ATP2C2: variants seen among roughly 807,000 people sequenced by gnomAD.
ATP2C2 encodes calcium-transporting ATPase type 2C member 2.
A neutral mutation model predicts 110.8 loss-of-function variants in ATP2C2; 171 were observed. That is an observed-to-expected ratio of 1.54 (90% CI 1.36 to 1.75). The LOEUF (loss-of-function observed/expected upper bound fraction) is 1.75, where lower values mean the gene tolerates loss of function less well. Ranked by LOEUF, ATP2C2 falls within the 40% of genes most tolerant of loss-of-function variation. ATP2C2 has a pLI of 0.00. For missense variants in ATP2C2, 1,963 were observed against 1,235.0 expected, an observed-to-expected ratio of 1.59 and a Z score of -8.84; for synonymous variants, 804 against 508.4, an observed-to-expected ratio of 1.58 and a Z score of -7.82.
In ATP2C2 at chr16:84,379,142, C is replaced by A. The variant is rs185732927; in HGVS notation, c.99+10428C>A. 5.3e-3 allele frequency among the ~76,000 whole-genome samples: 795 copies of A among 148,982 alleles called. 10 individuals carry two copies. Among genetic ancestry groups the A allele is most frequent in the African/African-American group, 0.019 (752 of 40,492 alleles). ...CTCTTCCCCTCCTTTCCCCTCTCTTCCCCTCCTTTCCCCTCCCCTCTCCTA... is the reference window on the plus strand; with the variant it reads ...CTCTTCCCCTCCTTTCCCCTCTCTTACCCTCCTTTCCCCTCCCCTCTCCTA... On this transcript the variant is annotated intron_variant, in intron 1 of 26. Transcript: ENST00000262429.
intron 3 of ATP2C2, among the ~76,000 whole-genome samples, chr16:84,406,422 C>G (rs1437765645): frequency 6.6e-6 from 1 of 152,176 alleles, no homozygotes; most frequent in African/African-American, 2.4e-5. Flanking sequence ...CCCTGACATC[C>G]CCTTCTTCAT....
rs929215807 is a variant in ATP2C2, at chr16:84,463,816, A to T, written c.*84A>T. The T allele has an allele frequency of 8.0e-6, 10 of 1,244,634 alleles. No homozygotes were observed. The Admixed American group carries it at 1.8e-4, about 23-fold the overall frequency. The allele number at this position is 1,244,634 out of a possible 1,614,324, so 77.1% of individuals were successfully genotyped here. On this transcript the variant is annotated 3_prime_UTR_variant, in exon 27 of 27. Coordinates refer to ENST00000262429, the MANE Select transcript of ATP2C2 (RefSeq NM_014861.4). ...CTGCCGTGTCTCCTCGTCAGGGGAGACTTTTAGGAGGCCGCAGCCTTCCAT... is the reference window on the plus strand; with the variant it reads ...CTGCCGTGTCTCCTCGTCAGGGGAGTCTTTTAGGAGGCCGCAGCCTTCCAT...
At chr16:84,439,085 C>G (rs1239964222) in intron 11 of ATP2C2, 81 bp from the exon 12 acceptor site, 5 of 1,574,422 alleles carry the variant, frequency 3.2e-6, no homozygotes, top group Non-Finnish European at 8.6e-7. Flanking sequence ...GCTTCACCAG[C>G]CAAAAGCATT....
intron 2 of ATP2C2, among the ~76,000 whole-genome samples, chr16:84,401,081 C>A (rs1318792487): frequency 6.6e-6 from 1 of 152,066 alleles, no homozygotes; most frequent in South Asian, 2.1e-4. Flanking sequence ...GATGTGATTC[C>A]ATTTATCCAT....
intron 6 of ATP2C2, among the ~76,000 whole-genome samples, chr16:84,412,720 C>T (rs1906484649): frequency 6.6e-6 from 1 of 152,100 alleles, no homozygotes; most frequent in Admixed American, 6.6e-5. Context: ...GTCTTCTCCC[C>T]ACCCCTGCTA....
chr16:84,445,323 C>T (rs942107339), intron 15 of ATP2C2, among the ~76,000 whole-genome samples: 1 of 152,126 alleles, frequency 6.6e-6, no homozygotes, highest in South Asian at 2.1e-4. Flanking sequence ...ATTCTCCTGC[C>T]TCAGCCTCCC....
intron 1 of ATP2C2, among the ~76,000 whole-genome samples, chr16:84,396,266 C>A (rs1276905387): frequency 6.6e-6 from 1 of 151,854 alleles, no homozygotes; most frequent in Non-Finnish European, 1.5e-5. Context: ...GTGTTTCGAG[C>A]CAGGTGCAGT....
chr16:84,368,937 G>A (rs1165082533), intron 1 of ATP2C2, among the ~76,000 whole-genome samples: 1 of 152,252 alleles, frequency 6.6e-6, no homozygotes, highest in East Asian at 1.9e-4. Flanking sequence ...TTGTGGTTGA[G>A]AAACTGAGGC....
chr16:84,378,860 C>T (rs777954245), intron 1 of ATP2C2, among the ~76,000 whole-genome samples: 2 of 152,190 alleles, frequency 1.3e-5, no homozygotes, highest in Non-Finnish European at 2.9e-5. Flanking sequence ...GTGGGCTCAC[C>T]GTCGCGAGGT....
chr16:84,440,024 C>T (rs1414833034), intron 13 of ATP2C2, among the ~76,000 whole-genome samples: 4 of 152,204 alleles, frequency 2.6e-5, no homozygotes, highest in South Asian at 2.1e-4. Flanking sequence ...CTAGTAGAGA[C>T]GGGGTATCAC....
At chr16:84,378,422 A>G (rs13336802) in intron 1 of ATP2C2, among the ~76,000 whole-genome samples, 83,310 of 151,956 alleles carry the variant, frequency 0.55, 22,992 homozygotes, top group South Asian at 0.62. Flanking sequence ...GGAGGGCAGC[A>G]TTGGATTCCC....
At chr16:84,373,044 C>T (rs1468240093) in intron 1 of ATP2C2, among the ~76,000 whole-genome samples, 2 of 149,574 alleles carry the variant, frequency 1.3e-5, no homozygotes, top group African/African-American at 2.5e-5. Flanking sequence ...CCTTTGAACC[C>T]AGGAGGCGGA....
intron 14 of ATP2C2, among the ~76,000 whole-genome samples, chr16:84,441,847 AG>A (rs34953598): frequency 6.6e-6 from 1 of 151,974 alleles, no homozygotes; most frequent in African/African-American, 2.4e-5. Context: ...GCCTTGAACC[AG>A]GGAGGCAGAG....
At chr16:84,404,268 G>A (rs138866822) in intron 2 of ATP2C2, among the ~76,000 whole-genome samples, 1 of 152,334 alleles carries the variant, frequency 6.6e-6, no homozygotes, top group East Asian at 1.9e-4. Context: ...AGTCAGCAAA[G>A]CGGGTTACAT....
At chr16:84,451,898 C>A (rs771224793) in intron 17 of ATP2C2, 23 bp from the exon 18 acceptor site, 11 of 1,601,058 alleles carry the variant, frequency 6.9e-6, no homozygotes, top group Non-Finnish European at 9.4e-6. Context: ...GGTGACCCCT[C>A]CTTACTCCCC....
At chr16:84,433,980 C>T (rs1176340876) in intron 11 of ATP2C2, among the ~76,000 whole-genome samples, 3 of 152,088 alleles carry the variant, frequency 2.0e-5, no homozygotes, top group Admixed American at 6.6e-5. Flanking sequence ...TTTGAAAGGG[C>T]GAGGTTTTTC....
intron 1 of ATP2C2, among the ~76,000 whole-genome samples, chr16:84,374,559 G>C (rs1910144640): frequency 1.3e-5 from 2 of 152,152 alleles, no homozygotes; most frequent in African/African-American, 4.8e-5. Flanking sequence ...AATGTCACAA[G>C]CTTTTTTTTA....
At chr16:84,433,872 G>A (rs980185305) in intron 11 of ATP2C2, among the ~76,000 whole-genome samples, 9 of 152,138 alleles carry the variant, frequency 5.9e-5, no homozygotes, top group African/African-American at 2.2e-4. Flanking sequence ...GGTCACTTCC[G>A]GTTTCTTGTC....
chr16:84,373,345 C>G (rs189361542), intron 1 of ATP2C2, among the ~76,000 whole-genome samples: 2 of 152,010 alleles, frequency 1.3e-5, no homozygotes, highest in Non-Finnish European at 2.9e-5. Flanking sequence ...ACTAAAAATA[C>G]AAAAATTAGC....
Sources: allele counts gnomAD v4.1 joint callset (sites outside exome capture counted in the v4.1 genomes callset), GRCh38; gene constraint gnomAD v4.1.1; transcripts MANE v1.5; gene names NCBI Gene and HGNC (gene_info 2026-07-23, HGNC 2026-07-21).